ZCCHC7: variants seen among roughly 807,000 people sequenced by gnomAD.
ZCCHC7 encodes zinc finger CCHC-type containing 7, also known as zinc finger CCHC domain-containing protein 7.
A neutral mutation model predicts 52.0 loss-of-function variants in ZCCHC7; 35 were observed. The ratio of observed to expected loss-of-function variants is 0.67; its 90% CI spans 0.51 to 0.89. ZCCHC7 has a LOEUF of 0.89. Ranked by LOEUF, ZCCHC7 falls within the 40% of genes least tolerant of loss-of-function variation. The pLI is 0.00. For synonymous variants in ZCCHC7, 217 were observed against 221.5 expected, an observed-to-expected ratio of 0.98 and a Z score of 0.18; for missense variants, 574 against 649.1, an observed-to-expected ratio of 0.88 and a Z score of 1.26.
At chr9:37,236,699 T>C (rs1461034912) in intron 2 of ZCCHC7, among the ~76,000 whole-genome samples, 2 of 152,148 alleles carry the variant, frequency 1.3e-5, no homozygotes, top group East Asian at 1.9e-4. Context: ...CGGCCAGTGC[T>C]CTCAGATTTT....
In ZCCHC7 at chr9:37,199,344, T is replaced by G. The variant is rs1408547726; in HGVS notation, c.610+72402T>G. Among the ~76,000 whole-genome samples, 11 of 150,100 alleles carry G rather than the reference T, an allele frequency of 7.3e-5. No homozygotes were observed. In the South Asian group the frequency reaches 2.1e-3, roughly 29 times the overall value. On this transcript the variant is annotated intron_variant, in intron 2 of 8. Coordinates refer to ENST00000336755, the MANE Select transcript of ZCCHC7 (RefSeq NM_032226.3). ...TCTTTCTTCTTTTTTTTTTTTTTTT[T>G]TCTTGAGACGGAGCTTCACTCTTGT...
intron 6 of ZCCHC7, among the ~76,000 whole-genome samples, chr9:37,330,152 A>T (rs1243204146): frequency 6.6e-6 from 1 of 151,802 alleles, no homozygotes. Flanking sequence ...GTTAAACAGA[A>T]TATTGTTTCT....
intron 2 of ZCCHC7, among the ~76,000 whole-genome samples, chr9:37,246,651 AGTT>A (rs1346095169): frequency 6.6e-6 from 1 of 152,172 alleles, no homozygotes; most frequent in Non-Finnish European, 1.5e-5. Flanking sequence ...ACATATTAAA[AGTT>A]GTACGTATTT....
chr9:37,224,826 C>G (rs1373700382), intron 2 of ZCCHC7, among the ~76,000 whole-genome samples: 2 of 152,196 alleles, frequency 1.3e-5, no homozygotes, highest in African/African-American at 4.8e-5. Context: ...GAATACTCAT[C>G]TGTGCATGTG....
intron 2 of ZCCHC7, among the ~76,000 whole-genome samples, chr9:37,246,405 C>T (rs1242435188): frequency 6.6e-6 from 1 of 152,104 alleles, no homozygotes; most frequent in African/African-American, 2.4e-5. Flanking sequence ...CAGGGCTCTC[C>T]ATCTTTAGCA....
intron 2 of ZCCHC7, among the ~76,000 whole-genome samples, chr9:37,248,139 G>T (rs1447948383): frequency 6.6e-6 from 1 of 152,054 alleles, no homozygotes; most frequent in African/African-American, 2.4e-5. Context: ...AATGATAGTA[G>T]AATACATTTG....
intron 2 of ZCCHC7, among the ~76,000 whole-genome samples, chr9:37,212,026 CAAAAAAAAAAAAAAAAAA>C (rs574190937): frequency 1.1e-3 from 59 of 55,424 alleles, no homozygotes; most frequent in South Asian, 6.8e-3. Flanking sequence ...GACTCCGTCT[CAAAAAAAAAAAAAAAAAA>C]AAAAAAAAAA....
chr9:37,336,445 T>G (rs2118368826), intron 6 of ZCCHC7, among the ~76,000 whole-genome samples: 1 of 152,254 alleles, frequency 6.6e-6, no homozygotes, highest in East Asian at 1.9e-4. Context: ...TCCCTGCCTT[T>G]GTGATCGATG....
chr9:37,192,253 A>G (rs564394181), intron 2 of ZCCHC7, among the ~76,000 whole-genome samples: 1 of 152,252 alleles, frequency 6.6e-6, no homozygotes, highest in African/African-American at 2.4e-5. Context: ...AGTAACAGCA[A>G]GTGTTAATAA....
At chr9:37,181,038 G>A (rs989806636) in intron 2 of ZCCHC7, among the ~76,000 whole-genome samples, 1 of 152,026 alleles carries the variant, frequency 6.6e-6, no homozygotes, top group African/African-American at 2.4e-5. Context: ...TACATTTTTG[G>A]TATAAGTATA....
intron 2 of ZCCHC7, among the ~76,000 whole-genome samples, chr9:37,146,921 A>G (rs370439507): frequency 6.6e-6 from 1 of 151,908 alleles, no homozygotes; most frequent in Admixed American, 6.6e-5. Context: ...TTTTAAAAAC[A>G]TAGGGAATAA....
chr9:37,180,439 G>C (rs1318303366), intron 2 of ZCCHC7, among the ~76,000 whole-genome samples: 1 of 152,034 alleles, frequency 6.6e-6, no homozygotes, highest in Middle Eastern at 3.2e-3. Context: ...GGTACAATTT[G>C]GTGGTTTTAA....
intron 2 of ZCCHC7, among the ~76,000 whole-genome samples, chr9:37,196,844 A>G (rs1823314389): frequency 6.6e-6 from 1 of 152,150 alleles, no homozygotes; most frequent in South Asian, 2.1e-4. Context: ...ATATTGTTTT[A>G]ATCTGTAGCC....
chr9:37,152,547 T>G (rs541039850), intron 2 of ZCCHC7, among the ~76,000 whole-genome samples: 81 of 152,060 alleles, frequency 5.3e-4, no homozygotes, highest in African/African-American at 1.9e-3. Context: ...CAGACTTTCC[T>G]TTTTTTTGAT....
chr9:37,134,946 C>G (rs1401846556), intron 2 of ZCCHC7, among the ~76,000 whole-genome samples: 4 of 152,088 alleles, frequency 2.6e-5, no homozygotes, highest in Non-Finnish European at 4.4e-5. Flanking sequence ...AGGCTGGCCT[C>G]AAACTCCCGA....
At chr9:37,155,216 C>T (rs1820748848) in intron 2 of ZCCHC7, among the ~76,000 whole-genome samples, 1 of 152,036 alleles carries the variant, frequency 6.6e-6, no homozygotes, top group Non-Finnish European at 1.5e-5. Context: ...AAAAAATTAG[C>T]CGGGCGTGGT....
intron 2 of ZCCHC7, among the ~76,000 whole-genome samples, chr9:37,243,240 A>T (rs543940051): frequency 1.3e-5 from 2 of 151,916 alleles, no homozygotes; most frequent in East Asian, 3.9e-4. Flanking sequence ...TTTTATGTTG[A>T]TGTCATAGAT....
chr9:37,181,858 A>T lies in ZCCHC7; in HGVS notation c.610+54916A>T, dbSNP rs76150110. 6.2e-3 allele frequency among the ~76,000 whole-genome samples: 945 copies of T among 152,152 alleles called. 9 individuals are homozygous for T. Among genetic ancestry groups the T allele is most frequent in the South Asian group, 0.019 (92 of 4,826 alleles). On this transcript the variant is annotated intron_variant, in intron 2 of 8. Transcript: ENST00000336755. ...TTTTTCTTTATTTTTATAAATTTTT[A>T]AAAAAAATTTGAGATGGAGTCTTGC...
chr9:37,352,511 C>T (rs1401890124), intron 7 of ZCCHC7, among the ~76,000 whole-genome samples: 15 of 81,576 alleles, frequency 1.8e-4, no homozygotes, highest in South Asian at 5.1e-4. Flanking sequence ...ACAATTTGCT[C>T]TTTTTTTTTT....
Sources: gnomAD v4.1 joint callset for allele counts (sites outside exome capture counted in the v4.1 genomes callset) on GRCh38, gnomAD v4.1.1 for gene constraint, MANE v1.5 for transcripts, NCBI Gene and HGNC (gene_info 2026-07-23, HGNC 2026-07-21) for gene names.